Variants in TRIO observed in about 807,000 individuals in gnomAD.
TRIO encodes the protein trio Rho guanine nucleotide exchange factor.
Under a neutral mutation model 351.9 loss-of-function variants are expected in TRIO, and 58 were observed. The ratio of observed to expected loss-of-function variants is 0.16; its 90% CI spans 0.13 to 0.21. The LOEUF (loss-of-function observed/expected upper bound fraction) is 0.21, where lower values mean the gene tolerates loss of function less well. Ranked by LOEUF, TRIO falls within the 10% of genes least tolerant of loss-of-function variation. The pLI is 1.00. For missense variants in TRIO, 3,201 were observed against 4,027.8 expected, an observed-to-expected ratio of 0.79 and a Z score of 5.56; for synonymous variants, 1,758 against 1,595.7, an observed-to-expected ratio of 1.10 and a Z score of -2.42.
intron 30 of TRIO, among the ~76,000 whole-genome samples, chr5:14,400,377 G>A (rs1747970167): frequency 6.6e-6 from 1 of 152,060 alleles, no homozygotes; most frequent in African/African-American, 2.4e-5. Context: ...ATGCATCAGG[G>A]GGACCTTGAC....
At chr5:14,420,139 A>G in intron 34 of TRIO, 118 bp downstream of exon 34, 1 of 1,457,116 alleles carries the variant, frequency 6.9e-7, no homozygotes, top group African/African-American at 1.4e-5. Flanking sequence ...CTGTGCCTTC[A>G]GCACATGGTC....
At chr5:14,198,023 A>C (rs1364218355) in intron 1 of TRIO, among the ~76,000 whole-genome samples, 1 of 152,220 alleles carries the variant, frequency 6.6e-6, no homozygotes, top group Non-Finnish European at 1.5e-5. Context: ...GAACAAAGAT[A>C]GTCATTGCCT....
rs146893912 is a variant in TRIO, at chr5:14,442,410, C to T, written c.5204-18609C>T. Among the ~76,000 whole-genome samples, 867 of 152,048 alleles carry T rather than the reference C, an allele frequency of 5.7e-3. 9 individuals are homozygous for T. Among genetic ancestry groups the T allele is most frequent in the African/African-American group, 0.02 (814 of 41,438 alleles). The stretch of plus-strand genomic sequence containing the variant: ...GTAGGGTGTCGGATCAAAAGGGGGG[C>T]ACAGAAAATATGTATTGGGCATCTG... On this transcript the variant is annotated intron_variant, in intron 34 of 56. Transcript: ENST00000344204.
intron 1 of TRIO, among the ~76,000 whole-genome samples, chr5:14,195,649 G>A (rs919752083): frequency 2.6e-5 from 4 of 152,106 alleles, no homozygotes; most frequent in Non-Finnish European, 5.9e-5. Context: ...AAATTCTTCC[G>A]CTTATTCCAC....
At chr5:14,461,717 G>A (rs1753824631) in intron 35 of TRIO, among the ~76,000 whole-genome samples, 3 of 152,256 alleles carry the variant, frequency 2.0e-5, no homozygotes, top group South Asian at 4.1e-4. Context: ...GCTGATCATT[G>A]TGGCAGCATT....
chr5:14,206,905 T>G (rs747387965), intron 1 of TRIO, among the ~76,000 whole-genome samples: 2 of 152,218 alleles, frequency 1.3e-5, no homozygotes, highest in Non-Finnish European at 2.9e-5. Context: ...TACATATGTT[T>G]AAAAGGCGTC....
chr5:14,298,041 G>A (rs1737517739), intron 7 of TRIO, among the ~76,000 whole-genome samples: 2 of 152,222 alleles, frequency 1.3e-5, no homozygotes, highest in South Asian at 4.1e-4. Flanking sequence ...CTGGTGTTTA[G>A]CCTCCTTAGG....
At chr5:14,467,889 A>G (rs1156316040) in intron 37 of TRIO, among the ~76,000 whole-genome samples, 1 of 152,220 alleles carries the variant, frequency 6.6e-6, no homozygotes, top group Non-Finnish European at 1.5e-5. Context: ...TCTTTAAAAG[A>G]CAAGTTGATA....
At chr5:14,423,707 G>A (rs1165253378) in intron 34 of TRIO, among the ~76,000 whole-genome samples, 3 of 152,086 alleles carry the variant, frequency 2.0e-5, no homozygotes, top group Non-Finnish European at 4.4e-5. Context: ...ACTCTCTGCC[G>A]GATGCATTTC....
At chr5:14,461,881 T>C (rs1354678211) in intron 35 of TRIO, among the ~76,000 whole-genome samples, 1 of 152,234 alleles carries the variant, frequency 6.6e-6, no homozygotes, top group African/African-American at 2.4e-5. Flanking sequence ...AAACATTGGG[T>C]TATTCCCATG....
chr5:14,191,422 T>C (rs1308180251), intron 1 of TRIO, among the ~76,000 whole-genome samples: 1 of 151,644 alleles, frequency 6.6e-6, no homozygotes, highest in Non-Finnish European at 1.5e-5. Flanking sequence ...CTAGACTCTA[T>C]CGCTACAAAA....
chr5:14,423,335 C>T (rs1750339829), intron 34 of TRIO, among the ~76,000 whole-genome samples: 1 of 152,238 alleles, frequency 6.6e-6, no homozygotes, highest in Admixed American at 6.5e-5. Flanking sequence ...GTGTGTAGTA[C>T]GTGGGCTCAC....
At chr5:14,434,412 C>CT (rs1161574079) in intron 34 of TRIO, among the ~76,000 whole-genome samples, 1 of 151,998 alleles carries the variant, frequency 6.6e-6, no homozygotes, top group East Asian at 1.9e-4. Flanking sequence ...CTGACTTTAC[C>CT]TACTTTTTTC....
chr5:14,486,157 C>T (rs951800115), intron 47 of TRIO, among the ~76,000 whole-genome samples: 4 of 152,196 alleles, frequency 2.6e-5, no homozygotes, highest in African/African-American at 9.7e-5. Flanking sequence ...ATTTGGTGAT[C>T]AGCAAAGAAC....
chr5:14,364,101 A>G (rs903712102), intron 14 of TRIO, among the ~76,000 whole-genome samples, 174 bp downstream of exon 14: 7 of 152,222 alleles, frequency 4.6e-5, no homozygotes, highest in Admixed American at 4.6e-4. Flanking sequence ...CACATTTAAC[A>G]TGGTTAGAGT....
Position 14,497,955 on chromosome 5 carries a change from T to C in TRIO, c.8047+81T>C, listed in dbSNP as rs1342285782. On this transcript the variant is annotated intron_variant, in intron 51 of 56. Coordinates refer to ENST00000344204, the MANE Select transcript of TRIO (RefSeq NM_007118.4). This position sits in a 1 kb window ranked among gnomAD's most constrained non-coding sequence, Gnocchi z 4.4. ...TGTTTCAGAGCACTTGAGTGTGGCC[T>C]CTGGAAATGAGTTTTCCGTGGCGCT... The C allele has an allele frequency of 1.9e-6, 3 of 1,610,478 alleles. No homozygotes were observed. Among genetic ancestry groups the C allele is most frequent in the Non-Finnish European group, 2.5e-6 (3 of 1,177,058 alleles).
chr5:14,265,592 G>C (rs147639861), intron 1 of TRIO, among the ~76,000 whole-genome samples: 1 of 152,248 alleles, frequency 6.6e-6, no homozygotes, highest in Admixed American at 6.5e-5. Context: ...AGAGGGGCTT[G>C]TTGTTCCTGG....
chr5:14,404,832 A>G (rs1351228158), intron 31 of TRIO, among the ~76,000 whole-genome samples: 3 of 152,190 alleles, frequency 2.0e-5, no homozygotes, highest in African/African-American at 7.2e-5. Context: ...CTGTAGAAAG[A>G]GGATGATCAA....
intron 2 of TRIO, among the ~76,000 whole-genome samples, chr5:14,275,172 G>C (rs932041076): frequency 1.3e-5 from 2 of 152,084 alleles, no homozygotes; most frequent in African/African-American, 4.8e-5. Flanking sequence ...TCTGTTTCAT[G>C]AATCTAAAAA....
Sources: gnomAD v4.1 joint callset for allele counts (sites outside exome capture counted in the v4.1 genomes callset) on GRCh38, gnomAD v4.1.1 for gene constraint, Gnocchi (gnomAD v3.1) non-coding constraint, MANE v1.5 for transcripts, NCBI Gene and HGNC (gene_info 2026-07-23, HGNC 2026-07-21) for gene names.